CUX2: variants seen among roughly 807,000 people sequenced by gnomAD.
CUX2 encodes cut like homeobox 2.
In CUX2, 40 loss-of-function variants were observed where a neutral mutation model predicts 144.8. The observed-to-expected ratio is 0.28, with a 90% confidence interval of 0.21 to 0.36. CUX2 has a LOEUF of 0.36. Among genes scored for constraint, CUX2 ranks in the 10% least tolerant of loss-of-function variants. The probability of loss-of-function intolerance (pLI) is 1.00; values close to 1 mark genes in which losing one functional copy is unlikely to be tolerated. For missense variants in CUX2, 1,615 were observed against 1,994.0 expected (o/e 0.81, Z 3.62); for synonymous variants, 827 against 875.6 (o/e 0.94, Z 0.98).
intron 1 of CUX2, among the ~76,000 whole-genome samples, chr12:111,082,560 T>A (rs1228179448): frequency 1.3e-5 from 2 of 151,862 alleles, no homozygotes; most frequent in African/African-American, 4.8e-5. Context: ...GCCCCTGGGA[T>A]GTTAAAGCCC....
Position 111,320,230 on chromosome 12 carries a change from G to T in CUX2, c.2221G>T (p.Ala741Ser). ...PSLATASQNG[A>S]PALVKQEEGS... ...ACTGGCCACCGCGAGCCAGAACGGG[G>T]CCCCGGCCTTGGTGAAGCAGGAGGA... The change falls in exon 17 of 22, where the codon GCC becomes TCC. Residue 741 changes from alanine to serine, a missense_variant. Transcript: ENST00000261726. The surrounding 1 kb of genome is among the most constrained non-coding windows in gnomAD (Gnocchi z 8.1). The T allele has an allele frequency of 6.4e-7, 1 of 1,570,188 alleles. No individual in the cohort carries two copies. The highest frequency in any genetic ancestry group is 8.6e-7 in the Non-Finnish European group (1 of 1,166,098).
intron 1 of CUX2, among the ~76,000 whole-genome samples, chr12:111,044,343 C>T (rs1215479611): frequency 6.6e-6 from 1 of 152,078 alleles, no homozygotes. Flanking sequence ...TACTTGCCCT[C>T]AGGTTTTAGG....
At chr12:111,204,640 C>G (rs988265880) in intron 1 of CUX2, among the ~76,000 whole-genome samples, 1 of 152,220 alleles carries the variant, frequency 6.6e-6, no homozygotes, top group Non-Finnish European at 1.5e-5. Context: ...CTTTGTCTCT[C>G]TGCAGGTACC....
chr12:111,253,073 C>G (rs1883643484), intron 3 of CUX2, among the ~76,000 whole-genome samples: 1 of 152,080 alleles, frequency 6.6e-6, no homozygotes, highest in Non-Finnish European at 1.5e-5. Flanking sequence ...CCATCCTGCT[C>G]TGAGCCGCCT....
chr12:111,330,718 T>TATGTATATATATACATATAC (rs1888069258), intron 18 of CUX2, among the ~76,000 whole-genome samples: 2 of 43,552 alleles, frequency 4.6e-5, no homozygotes, highest in East Asian at 1.1e-3. Context: ...TATATATATA[T>TATGTATATATATACATATAC]ATATATATAT....
intron 16 of CUX2, among the ~76,000 whole-genome samples, chr12:111,317,575 C>T (rs974291660): frequency 2.3e-4 from 35 of 152,166 alleles, no homozygotes; most frequent in African/African-American, 8.4e-4. Context: ...CCCCTGCCTT[C>T]CTCTCCCAGA....
At chr12:111,258,382 G>C (rs1350632638) in intron 3 of CUX2, among the ~76,000 whole-genome samples, 2 of 152,110 alleles carry the variant, frequency 1.3e-5, no homozygotes, top group Non-Finnish European at 2.9e-5. Context: ...GCGTGGTAGT[G>C]CATGCCTGTA....
chr12:111,249,434 A>AC (rs1411537245), intron 3 of CUX2, among the ~76,000 whole-genome samples: 38 of 69,308 alleles, frequency 5.5e-4, no homozygotes, highest in Non-Finnish European at 5.0e-4. Context: ...AAATTAATAG[A>AC]CCCTTTTTTT....
Position 111,061,363 on chromosome 12 carries a change from C to T in CUX2, c.63+27123C>T, listed in dbSNP as rs1014296014. ...AGGAGAGCCACTGAGGAAAGCTTTT[C>T]GGGATGGGGGAGGAGGAGGGAAGCA... On this transcript the variant is annotated intron_variant, in intron 1 of 21. Transcript: ENST00000261726. This position sits in a 1 kb window ranked among gnomAD's most constrained non-coding sequence, Gnocchi z 4.2. Among the ~76,000 whole-genome samples, 2 of 152,010 alleles carry T rather than the reference C, an allele frequency of 1.3e-5. No homozygotes were observed. The highest frequency in any genetic ancestry group is 4.8e-5 in the African/African-American group (2 of 41,376).
chr12:111,314,278 G>C (rs1887056912), intron 16 of CUX2, among the ~76,000 whole-genome samples: 1 of 152,158 alleles, frequency 6.6e-6, no homozygotes, highest in Non-Finnish European at 1.5e-5. Context: ...TAACTAGCCA[G>C]GGCTGGGTGT....
At chr12:111,194,856 G>A (rs899655817) in intron 1 of CUX2, among the ~76,000 whole-genome samples, 1 of 152,224 alleles carries the variant, frequency 6.6e-6, no homozygotes, top group Non-Finnish European at 1.5e-5. Flanking sequence ...TTGCCTGAGC[G>A]AGGCAGCAAA....
rs147796653 is a variant in CUX2, at chr12:111,131,522, C to T, written c.64-82678C>T. Among the ~76,000 whole-genome samples the T allele has an allele frequency of 7.5e-4, 114 of 152,280 alleles. 1 individual carries two copies. The highest frequency in any genetic ancestry group is 3.4e-3 in the Middle Eastern group (1 of 294). On this transcript the variant is annotated intron_variant, in intron 1 of 21. Transcript: ENST00000261726. ...ATTAGAGAATTAACCCAAAAGTCCA[C>T]AGTCCAAAGTCTCATCTGAGACAAG...
In CUX2 at chr12:111,092,763, T is replaced by A. The variant is rs540781789; in HGVS notation, c.63+58523T>A. On this transcript the variant is annotated intron_variant, in intron 1 of 21. Coordinates refer to ENST00000261726, the MANE Select transcript of CUX2 (RefSeq NM_015267.4). ...TCTGAGGAAGGGACAGCTGTAGTAA[T>A]CCATATTTATTTTCCTGATAAGGAA... Among the ~76,000 whole-genome samples the A allele has an allele frequency of 3.3e-5, 5 of 150,618 alleles. No individual in the cohort carries two copies. The South Asian group carries it at 8.5e-4, about 26-fold the overall frequency.
At chr12:111,184,392 T>G (rs973454153) in intron 1 of CUX2, among the ~76,000 whole-genome samples, 1 of 151,912 alleles carries the variant, frequency 6.6e-6, no homozygotes, top group African/African-American at 2.4e-5. Flanking sequence ...TGAGTGTCCA[T>G]GAGTAGGGGA....
At chr12:111,104,973 G>A (rs1873501901) in intron 1 of CUX2, among the ~76,000 whole-genome samples, 1 of 152,166 alleles carries the variant, frequency 6.6e-6, no homozygotes, top group South Asian at 2.1e-4. Flanking sequence ...CGTGAGTCTT[G>A]GTGGTTCTAC....
chr12:111,327,360 C>A (rs1887868597), intron 18 of CUX2, among the ~76,000 whole-genome samples: 1 of 152,112 alleles, frequency 6.6e-6, no homozygotes, highest in Admixed American at 6.5e-5. Context: ...TGTGTTTGAA[C>A]CCCCATTTTC....
intron 17 of CUX2, among the ~76,000 whole-genome samples, chr12:111,321,592 G>C (rs1887537241): frequency 6.6e-6 from 1 of 152,096 alleles, no homozygotes; most frequent in African/African-American, 2.4e-5. Flanking sequence ...TGAGGTGGGA[G>C]AATTGCTTGA....
chr12:111,069,549 TGTGCGCGCGC>T (rs1871173606), intron 1 of CUX2, among the ~76,000 whole-genome samples: 2 of 150,326 alleles, frequency 1.3e-5, no homozygotes, highest in Non-Finnish European at 1.5e-5. Context: ...TGTGTGTGTG[TGTGCGCGCGC>T]GTGTGTGTGT....
chr12:111,169,678 T>A (rs1878391730), intron 1 of CUX2, among the ~76,000 whole-genome samples: 1 of 152,210 alleles, frequency 6.6e-6, no homozygotes, highest in East Asian at 1.9e-4. Context: ...CGCGTCACGT[T>A]AATATGTGAT....
Sources: allele counts gnomAD v4.1 joint callset (sites outside exome capture counted in the v4.1 genomes callset), GRCh38; gene constraint gnomAD v4.1.1; non-coding constraint Gnocchi (gnomAD v3.1); transcripts MANE v1.5; gene names NCBI Gene and HGNC (gene_info 2026-07-23, HGNC 2026-07-21).